NALF1: variants seen among roughly 807,000 people sequenced by gnomAD.
NALF1 encodes the protein family with sequence similarity 155 member A.
A neutral mutation model predicts 48.4 loss-of-function variants in NALF1; 3 were observed. The observed-to-expected ratio is 0.06, with a 90% confidence interval of 0.03 to 0.16. The LOEUF (loss-of-function observed/expected upper bound fraction) is 0.16. Among genes scored for constraint, NALF1 ranks in the 10% least tolerant of loss-of-function variants. NALF1 has a pLI of 1.00. For synonymous variants in NALF1, 262 were observed against 245.7 expected, an observed-to-expected ratio of 1.07 and a Z score of -0.62; for missense variants, 526 against 571.5, an observed-to-expected ratio of 0.92 and a Z score of 0.81.
intron 1 of NALF1, among the ~76,000 whole-genome samples, chr13:107,439,998 G>A (rs779644583): frequency 2.0e-5 from 3 of 152,054 alleles, no homozygotes; most frequent in Non-Finnish European, 4.4e-5. Context: ...TTTAATATTT[G>A]GACTTAAAAA....
intron 1 of NALF1, among the ~76,000 whole-genome samples, chr13:107,581,886 T>C (rs1009410229): frequency 3.3e-5 from 5 of 152,184 alleles, no homozygotes. Context: ...CTTACACAAA[T>C]CCATAATAAT....
chr13:107,237,220 T>C (rs1880371670), intron 1 of NALF1, among the ~76,000 whole-genome samples: 2 of 151,998 alleles, frequency 1.3e-5, no homozygotes, highest in East Asian at 1.9e-4. Flanking sequence ...TAGAAATATA[T>C]AATGAGAAAG....
rs1878603357 is a variant in NALF1 at position 107,163,691 on chromosome 13, A to T, written c.*6806T>A. Reference sequence around the variant, plus strand: ...ATTCCGTGTTCATATTCACATAAAAAAGTACTTGAGTACATTCAGAAAAAC... The same window carrying T: ...ATTCCGTGTTCATATTCACATAAAATAGTACTTGAGTACATTCAGAAAAAC... On this transcript the variant is annotated 3_prime_UTR_variant, in exon 3 of 3. Transcript: ENST00000375915. The T allele has an allele frequency of 6.6e-6, 1 of 152,208 alleles. No homozygotes were observed. The highest frequency in any genetic ancestry group is 2.1e-4 in the South Asian group (1 of 4,830). 9.4% of individuals were successfully genotyped at this position (152,208 alleles called of 1,614,324 possible). A position where few individuals can be genotyped will look rare whatever the true frequency, so the allele number is the denominator to read the frequency against.
chr13:107,526,776 A>G (rs1420579885), intron 1 of NALF1, among the ~76,000 whole-genome samples: 2 of 152,174 alleles, frequency 1.3e-5, no homozygotes, highest in African/African-American at 4.8e-5. Flanking sequence ...TAAGATACTC[A>G]AAATCAGTGA....
chr13:107,562,105 C>G (rs1051800748), intron 1 of NALF1, among the ~76,000 whole-genome samples: 2 of 152,132 alleles, frequency 1.3e-5, no homozygotes, highest in African/African-American at 4.8e-5. Flanking sequence ...GCTGTTTTGA[C>G]CTTGCCTTGA....
chr13:107,174,557 A>G (rs548825561), intron 2 of NALF1, among the ~76,000 whole-genome samples: 2 of 151,718 alleles, frequency 1.3e-5, no homozygotes, highest in African/African-American at 2.4e-5. Context: ...GGGTTTCACC[A>G]TGTTGGCCAG....
At chr13:107,791,785 C>A (rs551626940) in intron 1 of NALF1, among the ~76,000 whole-genome samples, 1 of 150,944 alleles carries the variant, frequency 6.6e-6, no homozygotes, top group South Asian at 2.1e-4. Flanking sequence ...CCCCGCCCCC[C>A]CCCGTCTCTA....
intron 1 of NALF1, among the ~76,000 whole-genome samples, chr13:107,569,380 G>A (rs1877913398): frequency 6.6e-6 from 1 of 152,070 alleles, no homozygotes; most frequent in African/African-American, 2.4e-5. Context: ...GCTGAGGCAG[G>A]AGAATGACGT....
chr13:107,592,594 A>AT (rs1263494105), intron 1 of NALF1, among the ~76,000 whole-genome samples: 1 of 151,874 alleles, frequency 6.6e-6, no homozygotes, highest in African/African-American at 2.4e-5. Flanking sequence ...AGATAACTTT[A>AT]TTTCATGGCA....
intron 1 of NALF1, among the ~76,000 whole-genome samples, chr13:107,329,755 G>C (rs566622649): frequency 4.4e-4 from 66 of 150,878 alleles, no homozygotes; most frequent in African/African-American, 1.5e-3. Flanking sequence ...AACATGCGGT[G>C]TTTGGCTTTT....
At chr13:107,584,853 C>G (rs183303777) in intron 1 of NALF1, among the ~76,000 whole-genome samples, 454 of 152,268 alleles carry the variant, frequency 3.0e-3, no homozygotes, top group African/African-American at 0.011. Flanking sequence ...ATTTTGCAGC[C>G]TGCTTCTTTC....
intron 1 of NALF1, among the ~76,000 whole-genome samples, chr13:107,828,951 G>C (rs1274854861): frequency 1.3e-5 from 2 of 152,080 alleles, no homozygotes; most frequent in African/African-American, 4.8e-5. Flanking sequence ...TAAGCTATTA[G>C]ATTATGTGCA....
chr13:107,776,985 G>T (rs942090978), intron 1 of NALF1, among the ~76,000 whole-genome samples: 3 of 152,010 alleles, frequency 2.0e-5, no homozygotes, highest in African/African-American at 7.3e-5. Context: ...CCAGCTGCTT[G>T]GGAGACTGAG....
chr13:107,600,028 G>A (rs1387159718), intron 1 of NALF1, among the ~76,000 whole-genome samples: 2 of 152,130 alleles, frequency 1.3e-5, no homozygotes, highest in Non-Finnish European at 2.9e-5. Flanking sequence ...ACAAAAACTA[G>A]ATAAATATCT....
Position 107,165,121 on chromosome 13 carries a change from T to C in NALF1, c.*5376A>G, listed in dbSNP as rs1009483760. 2.2e-4 allele frequency: 34 copies of C among 152,144 alleles called. No homozygotes were observed. Among genetic ancestry groups the C allele is most frequent in the African/African-American group, 7.7e-4 (32 of 41,442 alleles). The allele number at this position is 152,144 out of a possible 1,614,324, so 9.4% of individuals were successfully genotyped here. A position where few individuals can be genotyped will look rare whatever the true frequency, so the allele number is the denominator to read the frequency against. On this transcript the variant is annotated 3_prime_UTR_variant, in exon 3 of 3. Coordinates refer to ENST00000375915, the MANE Select transcript of NALF1 (RefSeq NM_001080396.3). ...CTGTGCCTTTTCTCCACATTAAAAA[T>C]AAAAATTAAAAATCTATATTTTATT... is the stretch of plus-strand genomic sequence containing the variant.
At chr13:107,197,615 T>A (rs371521403) in intron 2 of NALF1, among the ~76,000 whole-genome samples, 1 of 152,232 alleles carries the variant, frequency 6.6e-6, no homozygotes, top group African/African-American at 2.4e-5. Context: ...GCATTCTCCC[T>A]TCAGGCTGAG....
At chr13:107,808,730 G>A (rs1025552554) in intron 1 of NALF1, among the ~76,000 whole-genome samples, 1 of 151,624 alleles carries the variant, frequency 6.6e-6, no homozygotes, top group African/African-American at 2.4e-5. Flanking sequence ...AAGCTATGCA[G>A]TAAAAGAAAA....
chr13:107,390,877 T>TTAATAATAA (rs71121527), intron 1 of NALF1, among the ~76,000 whole-genome samples: 3,425 of 147,202 alleles, frequency 0.023, 78 homozygotes, highest in East Asian at 0.092. Flanking sequence ...AGCCAGAAGG[T>TTAATAATAA]TAATAATAAT....
chr13:107,244,674 T>C (rs1427784249), intron 1 of NALF1, among the ~76,000 whole-genome samples: 1 of 152,198 alleles, frequency 6.6e-6, no homozygotes, highest in African/African-American at 2.4e-5. Flanking sequence ...TCTTCATCGA[T>C]GAAAACAGTA....
Sources: gnomAD v4.1 joint callset for allele counts (sites outside exome capture counted in the v4.1 genomes callset) on GRCh38, gnomAD v4.1.1 for gene constraint, MANE v1.5 for transcripts, NCBI Gene and HGNC (gene_info 2026-07-23, HGNC 2026-07-21) for gene names.